RNF180: variants seen among roughly 807,000 people sequenced by gnomAD.
RNF180 encodes ring finger protein 180.
A neutral mutation model predicts 59.2 loss-of-function variants in RNF180; 38 were observed. The ratio of observed to expected loss-of-function variants is 0.64; its 90% CI spans 0.50 to 0.84. RNF180 has a LOEUF of 0.84. RNF180 is among the 40% of genes least tolerant of loss of function. The pLI is 0.00. For synonymous variants in RNF180, 262 were observed against 240.3 expected (o/e 1.09, Z -0.84); for missense variants, 705 against 700.9 (o/e 1.01, Z -0.07).
intron 5 of RNF180, among the ~76,000 whole-genome samples, chr5:64,276,383 G>GTGTT (rs1185666996): frequency 6.7e-6 from 1 of 150,366 alleles, no homozygotes; most frequent in African/African-American, 2.5e-5. Context: ...TGGTGTGTGT[G>GTGTT]TGTGTGTGTT....
chr5:64,213,076 A>G (rs956053008), intron 3 of RNF180, among the ~76,000 whole-genome samples: 1 of 152,178 alleles, frequency 6.6e-6, no homozygotes, highest in Admixed American at 6.6e-5. Flanking sequence ...TGCAATCAGT[A>G]TATTTTGGTT....
chr5:64,272,199 A>G (rs1741448950), intron 5 of RNF180, among the ~76,000 whole-genome samples: 1 of 152,102 alleles, frequency 6.6e-6, no homozygotes, highest in Admixed American at 6.6e-5. Context: ...GAAGAAGGAC[A>G]CGTTTCTATG....
At chr5:64,297,203 T>C (rs1742926140) in intron 5 of RNF180, among the ~76,000 whole-genome samples, 1 of 152,078 alleles carries the variant, frequency 6.6e-6, no homozygotes. Context: ...TAATGTTTTG[T>C]ACACTGGTTG....
At chr5:64,320,175 T>C (rs1744273161) in intron 5 of RNF180, among the ~76,000 whole-genome samples, 1 of 152,190 alleles carries the variant, frequency 6.6e-6, no homozygotes, top group Admixed American at 6.5e-5. Flanking sequence ...GTGTGAACAT[T>C]ATAATTGTTA....
Position 64,214,201 on chromosome 5 carries a change from T to C in RNF180, c.875T>C (p.Leu292Pro). Residue 292 changes from leucine (L) to proline (P), a missense_variant, in exon 4 of 8, where the codon CTG becomes CCG. Coordinates refer to ENST00000389100, the MANE Select transcript of RNF180 (RefSeq NM_001113561.2). ...TCCAGTTTTGATCCTAGTATGCTGC[T>C]GCAAAGATTTTCAGTGGCCCCCCAT... ...NPSSFDPSML[L>P]QRFSVAPHET... The C allele has an allele frequency of 6.2e-7, 1 of 1,614,132 alleles. No homozygotes were observed. Among genetic ancestry groups the C allele is most frequent in the Non-Finnish European group, 8.5e-7 (1 of 1,180,000 alleles).
chr5:64,306,016 C>G (rs1054611039), intron 5 of RNF180, among the ~76,000 whole-genome samples: 2 of 151,620 alleles, frequency 1.3e-5, no homozygotes, highest in South Asian at 2.1e-4. Flanking sequence ...ATGGAGTGGA[C>G]ATATTTTATC....
chr5:64,225,490 C>G (rs1406571137), intron 5 of RNF180, among the ~76,000 whole-genome samples: 1 of 135,550 alleles, frequency 7.4e-6, no homozygotes, highest in Admixed American at 7.7e-5. Context: ...GGCCGCCCTC[C>G]GTCTGGGAGG....
At chr5:64,262,160 G>C (rs184351825) in intron 5 of RNF180, among the ~76,000 whole-genome samples, 1 of 152,174 alleles carries the variant, frequency 6.6e-6, no homozygotes, top group Admixed American at 6.6e-5. Context: ...AACTTACTAA[G>C]GGGATACAAA....
chr5:64,239,790 G>A, intron 5 of RNF180, among the ~76,000 whole-genome samples: 1 of 152,008 alleles, frequency 6.6e-6, no homozygotes, highest in East Asian at 1.9e-4. Flanking sequence ...ATCTGAAAAT[G>A]GTTACTTTGC....
chr5:64,288,857 C>T (rs2112416136), intron 5 of RNF180, among the ~76,000 whole-genome samples: 1 of 152,286 alleles, frequency 6.6e-6, no homozygotes, highest in African/African-American at 2.4e-5. Context: ...TTGACTTCTT[C>T]TCTCCCTATT....
chr5:64,310,235 A>G (rs1266354286), intron 5 of RNF180, among the ~76,000 whole-genome samples: 1 of 151,838 alleles, frequency 6.6e-6, no homozygotes, highest in Admixed American at 6.6e-5. Context: ...CAGGGATGCA[A>G]GTCTGGATCC....
At chr5:64,322,168 T>C (rs1744385635) in intron 5 of RNF180, among the ~76,000 whole-genome samples, 1 of 152,170 alleles carries the variant, frequency 6.6e-6, no homozygotes, top group Admixed American at 6.5e-5. Context: ...AGGATCTAAT[T>C]AAGCTAACAA....
chr5:64,193,783 G>A (rs1751303552), intron 1 of RNF180, among the ~76,000 whole-genome samples: 1 of 152,016 alleles, frequency 6.6e-6, no homozygotes, highest in Non-Finnish European at 1.5e-5. Context: ...GGCAATGGTG[G>A]GAAAACACAT....
intron 5 of RNF180, among the ~76,000 whole-genome samples, chr5:64,313,346 C>G (rs186211771): frequency 1.3e-5 from 2 of 152,114 alleles, no homozygotes; most frequent in East Asian, 3.9e-4. Flanking sequence ...GTCTGTTGTT[C>G]CCTTCTTTGT....
intron 1 of RNF180, among the ~76,000 whole-genome samples, 200 bp from the exon 2 acceptor site, chr5:64,200,608 A>C (rs1751692983): frequency 6.6e-6 from 1 of 152,238 alleles, no homozygotes; most frequent in African/African-American, 2.4e-5. Context: ...ATAATGTATC[A>C]TCATAATTAA....
chr5:64,251,648 C>A (rs190205336), intron 5 of RNF180, among the ~76,000 whole-genome samples: 2 of 152,086 alleles, frequency 1.3e-5, no homozygotes, highest in African/African-American at 4.8e-5. Context: ...ATGGTCTGGC[C>A]TCAGGCAATC....
At chr5:64,344,633 A>C (rs1561273237) in intron 7 of RNF180, among the ~76,000 whole-genome samples, 2 of 152,090 alleles carry the variant, frequency 1.3e-5, no homozygotes, top group Admixed American at 1.3e-4. Flanking sequence ...CTCTGTGTTC[A>C]AAGTCAGTGC....
chr5:64,247,942 A>C (rs2112263572), intron 5 of RNF180, among the ~76,000 whole-genome samples: 1 of 152,354 alleles, frequency 6.6e-6, no homozygotes, highest in Non-Finnish European at 1.5e-5. Context: ...CAGAGGCCTC[A>C]GTAATAATGC....
At chr5:64,360,755 C>CAAA (rs1346909512) in intron 7 of RNF180, among the ~76,000 whole-genome samples, 17 of 151,636 alleles carry the variant, frequency 1.1e-4, no homozygotes, top group Non-Finnish European at 1.6e-4. Flanking sequence ...GCAGAAGACA[C>CAAA]AAGACTTATG....
Sources: gnomAD v4.1 joint callset for allele counts (sites outside exome capture counted in the v4.1 genomes callset) on GRCh38, gnomAD v4.1.1 for gene constraint, MANE v1.5 for transcripts, NCBI Gene and HGNC (gene_info 2026-07-23, HGNC 2026-07-21) for gene names.